Variants in SGCZ observed in about 807,000 individuals in gnomAD.
SGCZ encodes sarcoglycan zeta.
Under a neutral mutation model 41.3 loss-of-function variants are expected in SGCZ, and 40 were observed. That is an observed-to-expected ratio of 0.97 (90% confidence interval 0.75 to 1.26). SGCZ has a LOEUF of 1.26. Ranked by LOEUF, SGCZ falls within the 50% of genes most tolerant of loss-of-function variation. SGCZ has a pLI of 0.00. For synonymous variants in SGCZ, 206 were observed against 137.5 expected (o/e 1.50, Z -3.49); for missense variants, 552 against 369.8 (o/e 1.49, Z -4.04).
intron 1 of SGCZ, among the ~76,000 whole-genome samples, chr8:14,640,028 G>A (rs1028943934): frequency 1.3e-5 from 2 of 151,564 alleles, no homozygotes; most frequent in African/African-American, 4.8e-5. Context: ...ACGTATTTAT[G>A]CATTAGCTTT....
intron 2 of SGCZ, among the ~76,000 whole-genome samples, chr8:14,439,669 G>T (rs906567543): frequency 1.3e-5 from 2 of 151,656 alleles, no homozygotes; most frequent in Non-Finnish European, 2.9e-5. Flanking sequence ...AACCAAAGAA[G>T]AAAAATTACA....
chr8:14,765,444 G>A (rs1800007976), intron 1 of SGCZ, among the ~76,000 whole-genome samples: 1 of 151,992 alleles, frequency 6.6e-6, no homozygotes, highest in African/African-American at 2.4e-5. Context: ...ACTCATAACT[G>A]GAGGCCTGAA....
intron 5 of SGCZ, among the ~76,000 whole-genome samples, chr8:14,138,681 A>T (rs1213127621): frequency 6.6e-6 from 1 of 152,206 alleles, no homozygotes; most frequent in African/African-American, 2.4e-5. Flanking sequence ...GAGCACCCAG[A>T]TTCATAAAGC....
At chr8:14,404,918 C>T (rs927121988) in intron 2 of SGCZ, among the ~76,000 whole-genome samples, 1 of 152,184 alleles carries the variant, frequency 6.6e-6, no homozygotes, top group Non-Finnish European at 1.5e-5. Context: ...TCTCTTCTTT[C>T]GTTCCCTGTG....
At chr8:14,634,126 T>C (rs1806749505) in intron 1 of SGCZ, among the ~76,000 whole-genome samples, 1 of 151,858 alleles carries the variant, frequency 6.6e-6, no homozygotes, top group South Asian at 2.1e-4. Context: ...TACTGTGATA[T>C]TCTATTTCAG....
chr8:15,154,803 G>T (rs1308001489), intron 1 of SGCZ, among the ~76,000 whole-genome samples: 2 of 152,164 alleles, frequency 1.3e-5, no homozygotes, highest in Non-Finnish European at 2.9e-5. Context: ...TTTATATCCT[G>T]CCAGAATTTG....
At chr8:14,140,721 A>G (rs926960460) in intron 5 of SGCZ, among the ~76,000 whole-genome samples, 3 of 152,200 alleles carry the variant, frequency 2.0e-5, no homozygotes, top group Admixed American at 6.5e-5. Flanking sequence ...GGAAGAATCA[A>G]TATCATGAAA....
chr8:14,641,125 C>A (rs1807012432), intron 1 of SGCZ, among the ~76,000 whole-genome samples: 1 of 151,392 alleles, frequency 6.6e-6, no homozygotes, highest in Non-Finnish European at 1.5e-5. Flanking sequence ...GGTAGGGATA[C>A]AAAGATCCTT....
intron 2 of SGCZ, among the ~76,000 whole-genome samples, chr8:14,412,466 A>G (rs1311777903): frequency 6.6e-6 from 1 of 152,134 alleles, no homozygotes; most frequent in Non-Finnish European, 1.5e-5. Flanking sequence ...AATGAATTGC[A>G]TTTCCAATTA....
chr8:14,829,890 C>A (rs1288413865), intron 1 of SGCZ, among the ~76,000 whole-genome samples: 1 of 152,170 alleles, frequency 6.6e-6, no homozygotes, highest in Non-Finnish European at 1.5e-5. Flanking sequence ...CGGCTCACTG[C>A]AAGCTCCGCC....
intron 1 of SGCZ, among the ~76,000 whole-genome samples, chr8:14,749,399 A>G (rs1208857065): frequency 6.6e-6 from 1 of 152,230 alleles, no homozygotes; most frequent in East Asian, 1.9e-4. Context: ...TAGAACGAAC[A>G]TTCCACTGAT....
chr8:14,853,516 G>T (rs1411087546), intron 1 of SGCZ: 3 of 530,750 alleles, frequency 5.7e-6, no homozygotes, highest in East Asian at 5.5e-5. Flanking sequence ...AGGAGCAGGT[G>T]ACGGGGAGAT....
intron 2 of SGCZ, among the ~76,000 whole-genome samples, chr8:14,423,633 C>T (rs184291482): frequency 2.6e-5 from 4 of 152,250 alleles, no homozygotes; most frequent in Admixed American, 6.5e-5. Flanking sequence ...AGGTTGGTCG[C>T]GAACTCCTGA....
At chr8:14,616,139 C>T (rs942644969) in intron 1 of SGCZ, among the ~76,000 whole-genome samples, 1 of 151,868 alleles carries the variant, frequency 6.6e-6, no homozygotes, top group East Asian at 1.9e-4. Context: ...AAAATTTAGC[C>T]GGGCGTGGGA....
chr8:14,835,632 C>T (rs927805527), intron 1 of SGCZ, among the ~76,000 whole-genome samples: 6 of 152,174 alleles, frequency 3.9e-5, no homozygotes, highest in African/African-American at 1.4e-4. Flanking sequence ...TGCTAGACAC[C>T]TGTTCTAATT....
chr8:14,615,419 T>A (rs1806069383), intron 1 of SGCZ, among the ~76,000 whole-genome samples: 1 of 152,204 alleles, frequency 6.6e-6, no homozygotes, highest in Non-Finnish European at 1.5e-5. Flanking sequence ...CACTGCTGGG[T>A]GGAGCTCTCT....
At chr8:15,097,195 C>A (rs994035007) in intron 1 of SGCZ, among the ~76,000 whole-genome samples, 2 of 152,184 alleles carry the variant, frequency 1.3e-5, no homozygotes, top group African/African-American at 4.8e-5. Context: ...ACCCTACCGA[C>A]AGTTTCACCA....
rs1585130485 is a variant in SGCZ, at chr8:14,097,617, A to T, written c.744+4759T>A. ...TGTTTCTTAGGTCTCCTTTGTCCAG[A>T]GCTGAGTTCATGTCCTGGATATCCT... On this transcript the variant is annotated intron_variant, in intron 7 of 7. Transcript: ENST00000382080. 3.9e-5 allele frequency among the ~76,000 whole-genome samples: 6 copies of T among 152,246 alleles called. No homozygotes were observed. The South Asian group carries it at 1.2e-3, about 32-fold the overall frequency.
chr8:14,109,373 G>A (rs553203276), intron 5 of SGCZ, among the ~76,000 whole-genome samples: 5 of 152,178 alleles, frequency 3.3e-5, no homozygotes, highest in African/African-American at 1.2e-4. Context: ...GGAAAAAAAT[G>A]TTCCAAATAA....
Sources: allele counts gnomAD v4.1 joint callset (sites outside exome capture counted in the v4.1 genomes callset), GRCh38; gene constraint gnomAD v4.1.1; transcripts MANE v1.5; gene names NCBI Gene and HGNC (gene_info 2026-07-23, HGNC 2026-07-21).